STAT4: variants seen among roughly 807,000 people sequenced by gnomAD.
The protein encoded by STAT4 is signal transducer and activator of transcription 4.
A neutral mutation model predicts 110.5 loss-of-function variants in STAT4; 42 were observed. The ratio of observed to expected loss-of-function variants is 0.38; its 90% CI spans 0.30 to 0.49. The LOEUF (loss-of-function observed/expected upper bound fraction) is 0.49, where lower values mean the gene tolerates loss of function less well. Among genes scored for constraint, STAT4 ranks in the 20% least tolerant of loss-of-function variants. The pLI, the probability that STAT4 is intolerant of heterozygous loss-of-function variation, is 0.95. For synonymous variants in STAT4, 284 were observed against 302.2 expected (o/e 0.94, Z 0.63); for missense variants, 632 against 887.9 (o/e 0.71, Z 3.66).
intron 3 of STAT4, among the ~76,000 whole-genome samples, chr2:191,097,604 T>C (rs1698029143): frequency 6.6e-6 from 1 of 152,304 alleles, no homozygotes; most frequent in African/African-American, 2.4e-5. Flanking sequence ...CCTTACACCT[T>C]ACACAAAAAT....
At chr2:191,057,943 A>T in intron 13 of STAT4, 75 bp downstream of exon 13, 1 of 1,239,098 alleles carries the variant, frequency 8.1e-7, no homozygotes, top group Non-Finnish European at 1.2e-6. Flanking sequence ...AAACATACTG[A>T]ATTATAAGGC....
At chr2:191,148,426 C>G (rs764618514) in intron 1 of STAT4, among the ~76,000 whole-genome samples, 1 of 152,030 alleles carries the variant, frequency 6.6e-6, no homozygotes, top group Non-Finnish European at 1.5e-5. Context: ...AAAATGAACT[C>G]CTGTTCTACC....
At chr2:191,109,730 T>C (rs1014998213) in intron 3 of STAT4, among the ~76,000 whole-genome samples, 1 of 152,180 alleles carries the variant, frequency 6.6e-6, no homozygotes, top group Non-Finnish European at 1.5e-5. Context: ...CTTAGAATGT[T>C]TTCATTCTAT....
intron 14 of STAT4, among the ~76,000 whole-genome samples, chr2:191,045,101 C>G (rs1696312910): frequency 6.6e-6 from 1 of 151,910 alleles, no homozygotes; most frequent in Non-Finnish European, 1.5e-5. Context: ...ATAGCTTAAC[C>G]TTTTATAGAA....
intron 4 of STAT4, among the ~76,000 whole-genome samples, chr2:191,073,688 T>TCAAA (rs35290875): frequency 0.76 from 114,959 of 150,970 alleles, 47,197 homozygotes; most frequent in East Asian, 0.99. Context: ...AGACTCCGTC[T>TCAAA]CAAACAAACA....
chr2:191,098,949 A>G (rs1698081882), intron 3 of STAT4, among the ~76,000 whole-genome samples: 1 of 151,774 alleles, frequency 6.6e-6, no homozygotes. Flanking sequence ...AACATTAGTA[A>G]TTCATAAAAA....
chr2:191,059,562 A>G lies in STAT4; in HGVS notation c.1035-793T>C, dbSNP rs915606651. Among the ~76,000 whole-genome samples the G allele has an allele frequency of 6.6e-6, 1 of 152,220 alleles. No individual in the cohort carries two copies. The highest frequency in any genetic ancestry group is 2.4e-5 in the African/African-American group (1 of 41,464). On this transcript the variant is annotated intron_variant, in intron 10 of 23. Transcript: ENST00000392320. The surrounding 1 kb of genome is among the most constrained non-coding windows in gnomAD (Gnocchi z 4.7). Reference sequence around the variant, plus strand: ...ACTGAGCTCCTCATATTTATGCAGTACACCCTTAGGTACTAGAGAACTGAT... The same window carrying G: ...ACTGAGCTCCTCATATTTATGCAGTGCACCCTTAGGTACTAGAGAACTGAT...
At position 191,140,659 on chromosome 2, in the gene STAT4, C is replaced by T. The variant is rs921225136; in HGVS notation, c.273+5954G>A. On this transcript the variant is annotated intron_variant, in intron 3 of 23. Coordinates refer to ENST00000392320, the MANE Select transcript of STAT4 (RefSeq NM_003151.4). The surrounding 1 kb of genome is among the most constrained non-coding windows in gnomAD (Gnocchi z 4.4). ...CTGCTGATGGGAATGTAAACTAGTA[C>T]AACCACCATGGAAAACAGTATGGAG... 7.9e-5 allele frequency among the ~76,000 whole-genome samples: 12 copies of T among 152,166 alleles called. No homozygotes were observed. Among genetic ancestry groups the T allele is most frequent in the Non-Finnish European group, 1.8e-4 (12 of 68,030 alleles).
At position 191,062,451 on chromosome 2, in the gene STAT4, C is replaced by T. The variant is rs1013711928; in HGVS notation, c.941+311G>A. On this transcript the variant is annotated intron_variant, in intron 9 of 23. Transcript: ENST00000392320. The surrounding 1 kb of genome is among the most constrained non-coding windows in gnomAD (Gnocchi z 4.9). ...AGCTTATAAACATGAAAATGTTCTCCATCCTTCATTTCATGGATATGCACA... is the reference window on the plus strand; with the variant it reads ...AGCTTATAAACATGAAAATGTTCTCTATCCTTCATTTCATGGATATGCACA... Among the ~76,000 whole-genome samples, 4 of 152,092 alleles carry T rather than the reference C, an allele frequency of 2.6e-5. No individual in the cohort carries two copies. In the East Asian group the frequency reaches 7.7e-4, roughly 29 times the overall value.
At chr2:191,098,725 T>G (rs1052421884) in intron 3 of STAT4, among the ~76,000 whole-genome samples, 2 of 152,246 alleles carry the variant, frequency 1.3e-5, no homozygotes, top group African/African-American at 4.8e-5. Flanking sequence ...ACCTGCACGT[T>G]GTGCACATGT....
At chr2:191,124,388 G>C (rs1174615149) in intron 3 of STAT4, among the ~76,000 whole-genome samples, 1 of 150,574 alleles carries the variant, frequency 6.6e-6, no homozygotes, top group Non-Finnish European at 1.5e-5. Context: ...CCAGGAGAAG[G>C]AGGTTGCAGT....
In STAT4 at chr2:191,066,909, T is replaced by C. The variant is rs992365664; in HGVS notation, c.545-394A>G. On this transcript the variant is annotated intron_variant, in intron 6 of 23. Transcript: ENST00000392320. This position sits in a 1 kb window ranked among gnomAD's most constrained non-coding sequence, Gnocchi z 4.3. Reference sequence around the variant, plus strand: ...ACCCTTTGTGCCCCTGATTAAATCATATTTGACTCTCTGTTGCCTTCACAT... The same window carrying C: ...ACCCTTTGTGCCCCTGATTAAATCACATTTGACTCTCTGTTGCCTTCACAT... 6.6e-6 allele frequency among the ~76,000 whole-genome samples: 1 copy of C among 152,108 alleles called. No individual in the cohort carries two copies. The highest frequency in any genetic ancestry group is 1.5e-5 in the Non-Finnish European group (1 of 68,014).
chr2:191,146,309 C>T lies in STAT4; in HGVS notation c.273+304G>A, dbSNP rs766856926. 2.0e-5 allele frequency among the ~76,000 whole-genome samples: 3 copies of T among 152,102 alleles called. No homozygotes were observed. Among genetic ancestry groups the T allele is most frequent in the Non-Finnish European group, 4.4e-5 (3 of 68,010 alleles). ...AGGCAAGGGAGGGCTGCTGGAGAGC[C>T]GTGAAACTGTGGTCTGGTCAGTGTT... On this transcript the variant is annotated intron_variant, in intron 3 of 23. Transcript: ENST00000392320. This position sits in a 1 kb window ranked among gnomAD's most constrained non-coding sequence, Gnocchi z 4.5.
intron 3 of STAT4, among the ~76,000 whole-genome samples, chr2:191,105,589 T>C (rs1317831279): frequency 1.3e-5 from 2 of 152,148 alleles, no homozygotes; most frequent in Non-Finnish European, 2.9e-5. Flanking sequence ...AAAGCATAAG[T>C]AGAAAAATAA....
chr2:191,062,749 G>T lies in STAT4; in HGVS notation c.941+13C>A. 6.2e-6 allele frequency: 10 copies of T among 1,612,936 alleles called. No individual in the cohort carries two copies. Among genetic ancestry groups the T allele is most frequent in the Non-Finnish European group, 8.5e-6 (10 of 1,179,436 alleles). On this transcript the variant is annotated intron_variant, in intron 9 of 23. Coordinates refer to ENST00000392320, the MANE Select transcript of STAT4 (RefSeq NM_003151.4). The surrounding 1 kb of genome is among the most constrained non-coding windows in gnomAD (Gnocchi z 4.9). Reference sequence around the variant, plus strand: ...CACAGAATGGAGGATGCCATTGATAGCACTTCACTTACTTCTTGAAAAGGT... The same window carrying T: ...CACAGAATGGAGGATGCCATTGATATCACTTCACTTACTTCTTGAAAAGGT...
chr2:191,134,198 G>T (rs1699119053), intron 3 of STAT4, among the ~76,000 whole-genome samples: 1 of 152,146 alleles, frequency 6.6e-6, no homozygotes, highest in Admixed American at 6.5e-5. Flanking sequence ...CTGGGGACTG[G>T]CCCTCCCAGC....
chr2:191,030,822 C>A lies in STAT4; in HGVS notation c.2220+150G>T. 1.5e-6 allele frequency: 1 copy of A among 673,384 alleles called. No individual in the cohort carries two copies. Among genetic ancestry groups the A allele is most frequent in the Middle Eastern group, 2.6e-4 (1 of 3,840 alleles). 41.7% of individuals were successfully genotyped at this position (673,384 alleles called of 1,614,324 possible). A position where few individuals can be genotyped will look rare whatever the true frequency, so the allele number is the denominator to read the frequency against. ...TAATATCAGCAACACGCAGGACCATCCAGACACCTTTTGTGTTATGCTCAT... is the reference window on the plus strand; with the variant it reads ...TAATATCAGCAACACGCAGGACCATACAGACACCTTTTGTGTTATGCTCAT... On this transcript the variant is annotated intron_variant, in intron 23 of 23. Coordinates refer to ENST00000392320, the MANE Select transcript of STAT4 (RefSeq NM_003151.4). This position sits in a 1 kb window ranked among gnomAD's most constrained non-coding sequence, Gnocchi z 4.4.
At chr2:191,119,623 T>G (rs1698665426) in intron 3 of STAT4, among the ~76,000 whole-genome samples, 1 of 152,216 alleles carries the variant, frequency 6.6e-6, no homozygotes, top group East Asian at 1.9e-4. Context: ...ATAGATTTAG[T>G]GTAATCCCAA....
At chr2:191,098,526 C>T (rs985655074) in intron 3 of STAT4, among the ~76,000 whole-genome samples, 6 of 152,030 alleles carry the variant, frequency 3.9e-5, no homozygotes, top group Non-Finnish European at 7.4e-5. Context: ...GAAAACCAAA[C>T]ACCACATGTT....
Sources: allele counts gnomAD v4.1 joint callset (sites outside exome capture counted in the v4.1 genomes callset), GRCh38; gene constraint gnomAD v4.1.1; non-coding constraint Gnocchi (gnomAD v3.1); transcripts MANE v1.5; gene names NCBI Gene and HGNC (gene_info 2026-07-23, HGNC 2026-07-21).